Variants in PTGER3 observed in about 807,000 individuals in gnomAD.
The protein encoded by PTGER3 is prostaglandin E2 receptor EP3 subtype.
A neutral mutation model predicts 34.7 loss-of-function variants in PTGER3; 22 were observed. That is an observed-to-expected ratio of 0.63 (90% CI 0.45 to 0.91). PTGER3 has a LOEUF of 0.91. PTGER3 is among the 40% of genes least tolerant of loss of function. The probability of loss-of-function intolerance (pLI) is 0.00; values close to 1 mark genes in which losing one functional copy is unlikely to be tolerated. For missense variants in PTGER3, 468 were observed against 519.4 expected (o/e 0.90, Z 0.96); for synonymous variants, 241 against 230.1 (o/e 1.05, Z -0.43).
chr1:70,886,809 C>CATGA (rs746071603), intron 4 of PTGER3, among the ~76,000 whole-genome samples: 1 of 152,162 alleles, frequency 6.6e-6, no homozygotes, highest in Non-Finnish European at 1.5e-5. Context: ...TGGTTGAATT[C>CATGA]ATGAATGAAT....
chr1:70,919,182 C>T (rs1647302654), intron 4 of PTGER3, among the ~76,000 whole-genome samples: 1 of 152,168 alleles, frequency 6.6e-6, no homozygotes, highest in Non-Finnish European at 1.5e-5. Context: ...AACCACCACC[C>T]AACTTTGTCC....
chr1:70,860,568 G>A (rs1193865073), intron 4 of PTGER3, among the ~76,000 whole-genome samples: 6 of 152,118 alleles, frequency 3.9e-5, no homozygotes, highest in Non-Finnish European at 7.4e-5. Context: ...TTGTTTTTTA[G>A]TTAGAAGTTT....
intron 1 of PTGER3, among the ~76,000 whole-genome samples, chr1:71,038,542 G>C (rs922847147): frequency 9.9e-5 from 15 of 152,088 alleles, no homozygotes; most frequent in African/African-American, 3.6e-4. Context: ...TTAGATCGAT[G>C]ATCCTTCAAA....
At chr1:71,001,132 C>A (rs529168669) in intron 2 of PTGER3, among the ~76,000 whole-genome samples, 1 of 152,080 alleles carries the variant, frequency 6.6e-6, no homozygotes, top group Non-Finnish European at 1.5e-5. Context: ...GCATGATAAG[C>A]CTTTCAGCAC....
chr1:70,977,014 C>T (rs1354359369), intron 2 of PTGER3, among the ~76,000 whole-genome samples: 2 of 152,250 alleles, frequency 1.3e-5, no homozygotes, highest in South Asian at 2.1e-4. Context: ...ATGTGAGACC[C>T]CAAAGATTTC....
At chr1:70,932,504 A>G (rs1244856714) in intron 4 of PTGER3, among the ~76,000 whole-genome samples, 1 of 152,208 alleles carries the variant, frequency 6.6e-6, no homozygotes, top group Non-Finnish European at 1.5e-5. Flanking sequence ...TTACAGTGCT[A>G]CATGGCTGAG....
chr1:71,047,518 G>A lies in PTGER3; in HGVS notation c.60C>T (p.Ser20=). 1 of 1,599,700 alleles carries A rather than the reference G, an allele frequency of 6.3e-7. No individual in the cohort carries two copies. The highest frequency in any genetic ancestry group is 8.5e-7 in the Non-Finnish European group (1 of 1,174,154). The change falls in exon 1 of 4, where the codon TCC becomes TCT. Residue 20 remains serine, a synonymous_variant. Coordinates refer to ENST00000306666, the MANE Select transcript of PTGER3 (RefSeq NM_198719.2). ...GCTCGGGCGCCCACATGCCTGTGTAGGAGTGGTTGAGGCGGGTGCAGAAGG... is the reference window on the plus strand; with the variant it reads ...GCTCGGGCGCCCACATGCCTGTGTAAGAGTGGTTGAGGCGGGTGCAGAAGG... ...DAPFCTRLNH[S]YTGMWAPERS...
At chr1:70,897,639 C>T (rs1646749267) in intron 4 of PTGER3, among the ~76,000 whole-genome samples, 1 of 152,152 alleles carries the variant, frequency 6.6e-6, no homozygotes, top group Non-Finnish European at 1.5e-5. Context: ...TTCAGGAGCT[C>T]ATTTCTTCCA....
intron 2 of PTGER3, among the ~76,000 whole-genome samples, chr1:70,991,004 T>A (rs1368448472): frequency 6.6e-6 from 1 of 152,178 alleles, no homozygotes; most frequent in Non-Finnish European, 1.5e-5. Flanking sequence ...TGAACGTCAT[T>A]CACTTCATAG....
intron 4 of PTGER3, among the ~76,000 whole-genome samples, chr1:70,876,785 G>T (rs576141089): frequency 6.6e-6 from 1 of 151,976 alleles, no homozygotes; most frequent in Non-Finnish European, 1.5e-5. Flanking sequence ...CTTTACTTCC[G>T]GGCTTTCTAT....
intron 2 of PTGER3, among the ~76,000 whole-genome samples, chr1:70,980,207 TA>T (rs1479943423): frequency 6.6e-6 from 1 of 152,062 alleles, no homozygotes; most frequent in Non-Finnish European, 1.5e-5. Flanking sequence ...TAAGATTGGA[TA>T]GGGGTGGATG....
intron 4 of PTGER3, among the ~76,000 whole-genome samples, chr1:70,861,218 AG>A (rs1260059111): frequency 1.3e-5 from 2 of 152,220 alleles, no homozygotes; most frequent in African/African-American, 2.4e-5. Context: ...CTTATGCAAA[AG>A]CCTCAGAGAT....
chr1:70,927,144 T>G (rs1408322989), intron 4 of PTGER3, among the ~76,000 whole-genome samples: 1 of 152,230 alleles, frequency 6.6e-6, no homozygotes, highest in East Asian at 1.9e-4. Flanking sequence ...AAAATTCTCT[T>G]TTTTGGTTTT....
At chr1:70,904,004 A>G (rs1646894047) in intron 4 of PTGER3, among the ~76,000 whole-genome samples, 1 of 152,190 alleles carries the variant, frequency 6.6e-6, no homozygotes, top group Admixed American at 6.5e-5. Flanking sequence ...TTGTGGAAAG[A>G]ACCCAGTGGG....
intron 4 of PTGER3, chr1:70,884,192 G>A (rs1646451981): frequency 4.1e-6 from 1 of 244,228 alleles, no homozygotes; most frequent in South Asian, 3.8e-5. Context: ...GCTGTTGTGT[G>A]GGACACCCTG....
At chr1:70,995,707 A>C (rs1187381737) in intron 2 of PTGER3, among the ~76,000 whole-genome samples, 1 of 152,154 alleles carries the variant, frequency 6.6e-6, no homozygotes, top group African/African-American at 2.4e-5. Flanking sequence ...CTAACTAAAA[A>C]TTTGATCAAA....
intron 1 of PTGER3, among the ~76,000 whole-genome samples, chr1:71,035,647 A>G (rs1468257671): frequency 1.3e-5 from 2 of 152,220 alleles, no homozygotes. Context: ...TCATTCCCCT[A>G]CAGCTTTCAG....
In PTGER3 at chr1:71,047,720, T is replaced by C. The variant is rs1660996956; in HGVS notation, c.-143A>G. On this transcript the variant is annotated 5_prime_UTR_variant, in exon 1 of 4. Coordinates refer to ENST00000306666, the MANE Select transcript of PTGER3 (RefSeq NM_198719.2). ...ATGGTGCGGGGCGCAGCCGCCGCCCTACTCCGCTGCTGGGACCGCGGCCGC... is the reference window on the plus strand; with the variant it reads ...ATGGTGCGGGGCGCAGCCGCCGCCCCACTCCGCTGCTGGGACCGCGGCCGC... 7.8e-6 allele frequency: 7 copies of C among 897,804 alleles called. No homozygotes were observed. The highest frequency in any genetic ancestry group is 1.0e-5 in the Non-Finnish European group (7 of 667,282). The allele number at this position is 897,804 out of a possible 1,614,324, so 55.6% of individuals were successfully genotyped here. A position where few individuals can be genotyped will look rare whatever the true frequency, so the allele number is the denominator to read the frequency against.
At chr1:71,011,842 A>G (rs2100855918) in intron 2 of PTGER3, 2 of 1,008,690 alleles carry the variant, frequency 2.0e-6, no homozygotes, top group South Asian at 8.7e-5. Context: ...ACAAACTGCT[A>G]TCCCTTGTCT....
Sources: gnomAD v4.1 joint callset for allele counts (sites outside exome capture counted in the v4.1 genomes callset) on GRCh38, gnomAD v4.1.1 for gene constraint, MANE v1.5 for transcripts, NCBI Gene and HGNC (gene_info 2026-07-23, HGNC 2026-07-21) for gene names.